Variants in HECA observed in about 807,000 individuals in gnomAD.
HECA encodes HECA ribonucleoprotein granule regulator, also known as headcase protein homolog.
In HECA, 13 loss-of-function variants were observed where a neutral mutation model predicts 37.6. The observed-to-expected ratio is 0.35, with a 90% CI of 0.23 to 0.55. The LOEUF (loss-of-function observed/expected upper bound fraction) is 0.55. Ranked by LOEUF, HECA falls within the 20% of genes least tolerant of loss-of-function variation. HECA has a pLI of 0.90. For missense variants in HECA, 527 were observed against 701.9 expected (o/e 0.75, Z 2.82); for synonymous variants, 307 against 291.5 (o/e 1.05, Z -0.54).
At chr6:139,148,300 T>G (rs1322957258) in intron 1 of HECA, among the ~76,000 whole-genome samples, 1 of 152,152 alleles carries the variant, frequency 6.6e-6, no homozygotes, top group Non-Finnish European at 1.5e-5. Context: ...GAAATAAAGG[T>G]AAAGGTAAGG....
chr6:139,137,456 A>G (rs1774462419), intron 1 of HECA, among the ~76,000 whole-genome samples: 1 of 152,200 alleles, frequency 6.6e-6, no homozygotes, highest in African/African-American at 2.4e-5. Flanking sequence ...TGCATGAACA[A>G]TGATGACAGC....
chr6:139,148,517 A>T (rs749109031), intron 1 of HECA, among the ~76,000 whole-genome samples: 6 of 152,194 alleles, frequency 3.9e-5, no homozygotes, highest in Non-Finnish European at 7.4e-5. Flanking sequence ...TAATCTCAGC[A>T]CTTTGGGAGG....
At chr6:139,158,670 CAAAA>C (rs4052916) in intron 1 of HECA, among the ~76,000 whole-genome samples, 3 of 123,158 alleles carry the variant, frequency 2.4e-5, no homozygotes. Flanking sequence ...GACCCTGTCT[CAAAA>C]AAAAAAAAAA....
chr6:139,154,659 G>A (rs1774692087), intron 1 of HECA, among the ~76,000 whole-genome samples: 1 of 152,232 alleles, frequency 6.6e-6, no homozygotes, highest in Non-Finnish European at 1.5e-5. Context: ...AGGTCATTGG[G>A]ATTTCAGAGG....
intron 1 of HECA, among the ~76,000 whole-genome samples, chr6:139,156,161 T>TATA (rs397790619): frequency 6.7e-6 from 1 of 149,304 alleles, no homozygotes; most frequent in African/African-American, 2.5e-5. Flanking sequence ...GTATTATTAT[T>TATA]TTTTACATTC....
intron 2 of HECA, among the ~76,000 whole-genome samples, chr6:139,168,512 C>T (rs145086149): frequency 1.3e-5 from 2 of 150,436 alleles, no homozygotes; most frequent in African/African-American, 4.9e-5. Flanking sequence ...ACATACCTGT[C>T]AGATTTTTTT....
chr6:139,164,243 G>A (rs181654414), intron 1 of HECA, among the ~76,000 whole-genome samples: 1 of 152,278 alleles, frequency 6.6e-6, no homozygotes, highest in Non-Finnish European at 1.5e-5. Flanking sequence ...CTGAGCCTGG[G>A]AGTCTGCCTT....
chr6:139,136,759 C>G (rs1307043192), intron 1 of HECA, among the ~76,000 whole-genome samples: 1 of 151,972 alleles, frequency 6.6e-6, no homozygotes, highest in Non-Finnish European at 1.5e-5. Flanking sequence ...CTCAGCCTCC[C>G]GAGTAGCTGG....
chr6:139,151,960 A>G (rs1310137580), intron 1 of HECA, among the ~76,000 whole-genome samples: 1 of 152,218 alleles, frequency 6.6e-6, no homozygotes, highest in Non-Finnish European at 1.5e-5. Flanking sequence ...CCTTGGGCAC[A>G]TCACCAAAGG....
At chr6:139,143,846 C>T (rs1182702679) in intron 1 of HECA, among the ~76,000 whole-genome samples, 2 of 131,264 alleles carry the variant, frequency 1.5e-5, no homozygotes, top group African/African-American at 3.0e-5. Flanking sequence ...GGTGACAGAG[C>T]GAGACTCTGT....
chr6:139,163,196 C>T (rs923323342), intron 1 of HECA, among the ~76,000 whole-genome samples: 1 of 152,168 alleles, frequency 6.6e-6, no homozygotes, highest in Non-Finnish European at 1.5e-5. Context: ...TTGAGTGGGG[C>T]TGGCCTCTAC....
At position 139,135,223 on chromosome 6, in the gene HECA, C is replaced by T; in HGVS notation, c.-174C>T. On this transcript the variant is annotated 5_prime_UTR_variant, in exon 1 of 4. Transcript: ENST00000367658. ...CGGCTCCAGGAAGCCGGAGAGGGCG[C>T]GGCGGCCAGGATGGCGCGGCACGGG... The T allele has an allele frequency of 9.4e-6, 4 of 426,492 alleles. No homozygotes were observed. The highest frequency in any genetic ancestry group is 1.3e-5 in the Non-Finnish European group (4 of 300,104). The allele number at this position is 426,492 out of a possible 1,614,324, so 26.4% of individuals were successfully genotyped here.
chr6:139,162,153 G>T (rs1305072586), intron 1 of HECA, among the ~76,000 whole-genome samples: 1 of 152,128 alleles, frequency 6.6e-6, no homozygotes, highest in East Asian at 1.9e-4. Context: ...TCGTCAGCTG[G>T]TGGGGATTAT....
intron 1 of HECA, among the ~76,000 whole-genome samples, chr6:139,158,197 AT>A (rs1281701907): frequency 6.6e-6 from 1 of 151,742 alleles, no homozygotes; most frequent in South Asian, 2.1e-4. Context: ...CCTCTACAAA[AT>A]TTTTTTATAA....
At chr6:139,140,263 T>C (rs2114433351) in intron 1 of HECA, among the ~76,000 whole-genome samples, 1 of 152,372 alleles carries the variant, frequency 6.6e-6, no homozygotes, top group East Asian at 1.9e-4. Flanking sequence ...AATCAAGGAA[T>C]ATCTGTTGAG....
intron 1 of HECA, among the ~76,000 whole-genome samples, chr6:139,165,525 C>T (rs930023216): frequency 6.6e-6 from 1 of 151,526 alleles, no homozygotes; most frequent in Non-Finnish European, 1.5e-5. Context: ...GGAATAGATT[C>T]ACTTCCCTAA....
chr6:139,140,347 G>C (rs1774498645), intron 1 of HECA, among the ~76,000 whole-genome samples: 1 of 151,982 alleles, frequency 6.6e-6, no homozygotes, highest in Non-Finnish European at 1.5e-5. Context: ...CAGTTTTTTG[G>C]GTCTCAAGAA....
chr6:139,142,159 C>G (rs1435165038), intron 1 of HECA, among the ~76,000 whole-genome samples: 1 of 151,982 alleles, frequency 6.6e-6, no homozygotes, highest in Non-Finnish European at 1.5e-5. Flanking sequence ...ATCTCTTGAC[C>G]TTGTGATCCA....
intron 1 of HECA, among the ~76,000 whole-genome samples, chr6:139,149,159 G>C (rs1774618819): frequency 6.6e-6 from 1 of 152,154 alleles, no homozygotes; most frequent in Non-Finnish European, 1.5e-5. Context: ...TGAACCAAGA[G>C]TTTATTCACA....
Sources: allele counts gnomAD v4.1 joint callset (sites outside exome capture counted in the v4.1 genomes callset), GRCh38; gene constraint gnomAD v4.1.1; transcripts MANE v1.5; gene names NCBI Gene and HGNC (gene_info 2026-07-23, HGNC 2026-07-21).